The following ANKS1B variants were observed in gnomAD, a reference collection of about 807,000 sequenced individuals.
The protein encoded by ANKS1B is ankyrin repeat and sterile alpha motif domain containing 1B.
A neutral mutation model predicts 148.3 loss-of-function variants in ANKS1B; 36 were observed. The ratio of observed to expected loss-of-function variants is 0.24; its 90% confidence interval spans 0.19 to 0.32. The LOEUF is 0.32. ANKS1B is among the 10% of genes least tolerant of loss of function. The probability of loss-of-function intolerance (pLI) is 1.00; values close to 1 mark genes in which losing one functional copy is unlikely to be tolerated. For missense variants in ANKS1B, 1,157 were observed against 1,542.6 expected (o/e 0.75, Z 4.19); for synonymous variants, 542 against 560.8 (o/e 0.97, Z 0.47).
At chr12:99,570,110 C>T (rs114740845) in intron 9 of ANKS1B, among the ~76,000 whole-genome samples, 2,061 of 152,176 alleles carry the variant, frequency 0.014, 54 homozygotes, top group African/African-American at 0.047. Context: ...AAGCCTTGAA[C>T]CTTGCTTCTG....
chr12:99,337,083 T>C (rs574225599), intron 12 of ANKS1B, among the ~76,000 whole-genome samples: 1 of 152,322 alleles, frequency 6.6e-6, no homozygotes, highest in East Asian at 1.9e-4. Context: ...ATTATACCTT[T>C]GAATAAACTT....
intron 1 of ANKS1B, among the ~76,000 whole-genome samples, chr12:99,902,660 T>C (rs1053519195): frequency 6.6e-6 from 1 of 152,140 alleles, no homozygotes; most frequent in Non-Finnish European, 1.5e-5. Context: ...TGGTGATCTA[T>C]TGATTGAGAC....
chr12:98,980,262 G>A (rs1296640226), intron 17 of ANKS1B, among the ~76,000 whole-genome samples: 2 of 152,052 alleles, frequency 1.3e-5, no homozygotes, highest in African/African-American at 4.8e-5. Flanking sequence ...GTGCAGTGGC[G>A]CAATCTCGGC....
rs2098081102 is a variant in ANKS1B, at chr12:98,751,171, G to T, written c.3747+184C>A. Among the ~76,000 whole-genome samples, 1 of 152,190 alleles carries T rather than the reference G, an allele frequency of 6.6e-6. No homozygotes were observed. The highest frequency in any genetic ancestry group is 2.1e-4 in the South Asian group (1 of 4,830). ...TGGAGGCTCCAGGTTGAGGGAGATG[G>T]TGCCCAAGACTTGGTGGGAACCAGG... is the stretch of plus-strand genomic sequence containing the variant. On this transcript the variant is annotated intron_variant, in intron 26 of 26. Coordinates refer to ENST00000683438, the MANE Select transcript of ANKS1B (RefSeq NM_001352186.2). This position sits in a 1 kb window ranked among gnomAD's most constrained non-coding sequence, Gnocchi z 4.3.
chr12:99,046,021 G>T (rs1301693911), intron 17 of ANKS1B, among the ~76,000 whole-genome samples: 2 of 152,196 alleles, frequency 1.3e-5, no homozygotes, highest in East Asian at 3.8e-4. Flanking sequence ...AGATGAGTAG[G>T]AATAGTCTTT....
chr12:98,781,058 T>C (rs2098730582), intron 24 of ANKS1B, 59 bp downstream of exon 24: 1 of 1,091,802 alleles, frequency 9.2e-7, no homozygotes, highest in Non-Finnish European at 1.3e-6. Flanking sequence ...CAAAGGATTT[T>C]AGATCATACA....
At position 99,611,585 on chromosome 12, in the gene ANKS1B, G is replaced by A. The variant is rs139472376; in HGVS notation, c.1272+43482C>T. Among the ~76,000 whole-genome samples, 16 of 152,210 alleles carry A rather than the reference G, an allele frequency of 1.1e-4. No homozygotes were observed. The East Asian group carries it at 1.9e-3, about 18-fold the overall frequency. The stretch of plus-strand genomic sequence containing the variant: ...GATAAATGAGACAGGGCTTCGGGGC[G>A]TTTCAGCCAGCCTCCCCTGAGACTA... On this transcript the variant is annotated intron_variant, in intron 9 of 26. Transcript: ENST00000683438.
chr12:98,946,796 C>T (rs1233210842), intron 17 of ANKS1B, among the ~76,000 whole-genome samples: 1 of 151,426 alleles, frequency 6.6e-6, no homozygotes, highest in Non-Finnish European at 1.5e-5. Flanking sequence ...AAAGAAAGTA[C>T]AGGCATGGTG....
At chr12:99,122,639 G>T (rs2063175199) in intron 15 of ANKS1B, among the ~76,000 whole-genome samples, 1 of 152,092 alleles carries the variant, frequency 6.6e-6, no homozygotes, top group Non-Finnish European at 1.5e-5. Context: ...AAATGTTTAG[G>T]AAGCTCCATA....
At position 99,668,970 on chromosome 12, in the gene ANKS1B, T is replaced by C. The variant is rs543287720; in HGVS notation, c.1129-13760A>G. Among the ~76,000 whole-genome samples the C allele has an allele frequency of 3.9e-5, 6 of 152,316 alleles. 1 individual carries two copies. In the South Asian group the frequency reaches 1.2e-3, roughly 32 times the overall value. ...TTTCAGATACTGTCTTTTTCATCTC[T>C]AGATGTTTCCTTTGAACTCTTTTAT... On this transcript the variant is annotated intron_variant, in intron 8 of 26. Transcript: ENST00000683438.
chr12:98,855,321 G>A (rs2099559676), intron 17 of ANKS1B, among the ~76,000 whole-genome samples: 1 of 152,208 alleles, frequency 6.6e-6, no homozygotes, highest in Admixed American at 6.5e-5. Flanking sequence ...GTTGAAGGAG[G>A]CAGTGGCCAT....
At chr12:99,753,645 C>T (rs953885587) in intron 8 of ANKS1B, among the ~76,000 whole-genome samples, 1 of 151,564 alleles carries the variant, frequency 6.6e-6, no homozygotes, top group Admixed American at 6.6e-5. Context: ...GATCTTATTT[C>T]TCTTTTGCCT....
At chr12:99,176,980 C>T (rs1414520186) in intron 14 of ANKS1B, among the ~76,000 whole-genome samples, 1 of 152,146 alleles carries the variant, frequency 6.6e-6, no homozygotes, top group Non-Finnish European at 1.5e-5. Context: ...TACTGATAGA[C>T]TCTGAATGCA....
intron 12 of ANKS1B, among the ~76,000 whole-genome samples, chr12:99,362,314 T>G (rs1250834225): frequency 3.3e-5 from 5 of 151,994 alleles, no homozygotes; most frequent in Non-Finnish European, 5.9e-5. Flanking sequence ...TACATTATCT[T>G]TACATATATT....
Position 99,371,028 on chromosome 12 carries a change from T to C in ANKS1B, c.1756+28603A>G, listed in dbSNP as rs2093102220. Among the ~76,000 whole-genome samples the C allele has an allele frequency of 2.0e-5, 3 of 152,092 alleles. No homozygotes were observed. In the South Asian group the frequency reaches 6.2e-4, roughly 31 times the overall value. ...GTTTGTTTTTGTTTCTGTTTTGTTT[T>C]TTTTTCTTGCTAGGCTCCCTCAAAT... is the stretch of plus-strand genomic sequence containing the variant. On this transcript the variant is annotated intron_variant, in intron 12 of 26. Coordinates refer to ENST00000683438, the MANE Select transcript of ANKS1B (RefSeq NM_001352186.2).
intron 9 of ANKS1B, among the ~76,000 whole-genome samples, chr12:99,596,654 T>C (rs766255209): frequency 2.4e-4 from 37 of 151,930 alleles, no homozygotes; most frequent in Admixed American, 4.6e-4. Flanking sequence ...AAAATAAACT[T>C]TGTCTAGCAC....
chr12:98,898,659 ACAATTTC>A (rs2099768092), intron 17 of ANKS1B, among the ~76,000 whole-genome samples: 1 of 152,188 alleles, frequency 6.6e-6, no homozygotes, highest in South Asian at 2.1e-4. Flanking sequence ...TTGCTTAAAA[ACAATTTC>A]CAATTTATGT....
At chr12:99,687,409 T>C (rs2098655791) in intron 8 of ANKS1B, among the ~76,000 whole-genome samples, 2 of 152,196 alleles carry the variant, frequency 1.3e-5, no homozygotes, top group Admixed American at 6.5e-5. Context: ...TCAAACATTA[T>C]TTTCTCAACT....
intron 14 of ANKS1B, among the ~76,000 whole-genome samples, chr12:99,175,801 T>C (rs572778080): frequency 6.6e-6 from 1 of 152,218 alleles, no homozygotes; most frequent in African/African-American, 2.4e-5. Context: ...TGTGTTTTGA[T>C]TGAAAGGTTT....
Sources: allele counts gnomAD v4.1 joint callset (sites outside exome capture counted in the v4.1 genomes callset), GRCh38; gene constraint gnomAD v4.1.1; non-coding constraint Gnocchi (gnomAD v3.1); transcripts MANE v1.5; gene names NCBI Gene and HGNC (gene_info 2026-07-23, HGNC 2026-07-21).